The following RBFOX1 variants were observed in gnomAD, a reference collection of about 807,000 sequenced individuals.
RBFOX1 encodes RNA binding fox-1 homolog 1, also known as RNA binding protein fox-1 homolog 1.
In RBFOX1, 8 loss-of-function variants were observed where a neutral mutation model predicts 57.7. The observed-to-expected ratio is 0.14, with a 90% CI of 0.08 to 0.25. The LOEUF is 0.25. Ranked by LOEUF, RBFOX1 falls within the 10% of genes least tolerant of loss-of-function variation. RBFOX1 has a pLI of 1.00. For synonymous variants in RBFOX1, 326 were observed against 222.4 expected, an observed-to-expected ratio of 1.47 and a Z score of -4.15; for missense variants, 611 against 548.5, an observed-to-expected ratio of 1.11 and a Z score of -1.14.
chr16:7,258,530 A>C (rs1714901425), intron 4 of RBFOX1, among the ~76,000 whole-genome samples: 1 of 152,170 alleles, frequency 6.6e-6, no homozygotes, highest in South Asian at 2.1e-4. Flanking sequence ...ATATTGTTGT[A>C]CATGCACGTA....
chr16:5,639,850 G>T (rs896683258), intron 3 of RBFOX1, among the ~76,000 whole-genome samples: 11 of 152,202 alleles, frequency 7.2e-5, no homozygotes, highest in Non-Finnish European at 1.5e-4. Context: ...TCTTCATCTT[G>T]TGCCTTTGAA....
chr16:7,079,086 G>C (rs140714928), intron 4 of RBFOX1, among the ~76,000 whole-genome samples: 3 of 151,754 alleles, frequency 2.0e-5, no homozygotes, highest in African/African-American at 7.3e-5. Context: ...CTTTATTTAC[G>C]TGTATCTATC....
chr16:6,314,939 C>T (rs557832131), intron 1 of RBFOX1, among the ~76,000 whole-genome samples: 3 of 152,212 alleles, frequency 2.0e-5, no homozygotes, highest in African/African-American at 7.2e-5. Flanking sequence ...ATGTCAGCTC[C>T]GTTGCCACTT....
intron 3 of RBFOX1, among the ~76,000 whole-genome samples, chr16:5,719,676 T>A (rs557799717): frequency 6.6e-6 from 1 of 152,162 alleles, no homozygotes; most frequent in South Asian, 2.1e-4. Flanking sequence ...TGGCCTCTTG[T>A]GCCTGTGTTT....
intron 3 of RBFOX1, among the ~76,000 whole-genome samples, chr16:6,724,969 C>T (rs539819260): frequency 1.0e-4 from 15 of 150,278 alleles, no homozygotes; most frequent in African/African-American, 3.4e-4. Context: ...CATGCAAATG[C>T]ATTACAAATA....
chr16:5,843,710 C>T (rs866663681), intron 3 of RBFOX1, among the ~76,000 whole-genome samples: 2 of 152,112 alleles, frequency 1.3e-5, no homozygotes, highest in Admixed American at 6.5e-5. Flanking sequence ...AACAGAGGTC[C>T]GGAGAGGTAA....
At chr16:6,347,290 C>T (rs1011826501) in intron 2 of RBFOX1, among the ~76,000 whole-genome samples, 2 of 152,184 alleles carry the variant, frequency 1.3e-5, no homozygotes, top group Non-Finnish European at 2.9e-5. Flanking sequence ...TCATCCTCAA[C>T]CACCATCATC....
At chr16:6,627,164 C>T (rs950120011) in intron 2 of RBFOX1, among the ~76,000 whole-genome samples, 4 of 152,174 alleles carry the variant, frequency 2.6e-5, no homozygotes, top group African/African-American at 9.7e-5. Context: ...CCGCATTACT[C>T]CTACAACCAT....
chr16:6,511,159 G>A (rs994142796), intron 2 of RBFOX1, among the ~76,000 whole-genome samples: 1 of 152,110 alleles, frequency 6.6e-6, no homozygotes, highest in East Asian at 1.9e-4. Flanking sequence ...ACGCTGGGTT[G>A]GTGGAAAAGC....
At chr16:7,551,798 C>T (rs1224887123) in intron 5 of RBFOX1, among the ~76,000 whole-genome samples, 1 of 152,184 alleles carries the variant, frequency 6.6e-6, no homozygotes, top group East Asian at 1.9e-4. Flanking sequence ...AATATTTACA[C>T]CACAGACATT....
chr16:6,513,718 G>C (rs913974140), intron 2 of RBFOX1, among the ~76,000 whole-genome samples: 1 of 152,034 alleles, frequency 6.6e-6, no homozygotes, highest in East Asian at 1.9e-4. Context: ...TGGGGGACAA[G>C]AGTGAGACTT....
chr16:6,767,959 G>A (rs80316824), intron 3 of RBFOX1, among the ~76,000 whole-genome samples: 178 of 107,056 alleles, frequency 1.7e-3, no homozygotes, highest in African/African-American at 5.3e-3. Context: ...AGAAGAAGAA[G>A]AAGAAGAAGA....
intron 3 of RBFOX1, among the ~76,000 whole-genome samples, chr16:6,741,417 C>G (rs1230998951): frequency 6.6e-6 from 1 of 151,996 alleles, no homozygotes; most frequent in East Asian, 1.9e-4. Flanking sequence ...AATACCAGCA[C>G]TTTGGGAGGC....
intron 3 of RBFOX1, among the ~76,000 whole-genome samples, chr16:6,714,449 A>G (rs2064358250): frequency 6.6e-6 from 1 of 152,144 alleles, no homozygotes; most frequent in Non-Finnish European, 1.5e-5. Context: ...GTGAAGCTTT[A>G]TCCCACTACG....
At chr16:5,499,790 C>T (rs997231370) in intron 2 of RBFOX1, among the ~76,000 whole-genome samples, 7 of 152,072 alleles carry the variant, frequency 4.6e-5, no homozygotes, top group Non-Finnish European at 1.0e-4. Context: ...CCAGGCTGGT[C>T]TTGAACTCCT....
intron 4 of RBFOX1, among the ~76,000 whole-genome samples, chr16:7,445,739 T>G (rs2150038343): frequency 6.6e-6 from 1 of 152,350 alleles, no homozygotes; most frequent in East Asian, 1.9e-4. Flanking sequence ...GTTTTTGTTT[T>G]GTCTTTTCAC....
At chr16:5,256,798 G>A (rs573698337) in intron 1 of RBFOX1, among the ~76,000 whole-genome samples, 1 of 152,196 alleles carries the variant, frequency 6.6e-6, no homozygotes, top group East Asian at 1.9e-4. Flanking sequence ...GCCCGGTGTG[G>A]TGGCATCTGC....
intron 4 of RBFOX1, among the ~76,000 whole-genome samples, chr16:5,875,739 T>A (rs1042941842): frequency 3.3e-5 from 5 of 152,152 alleles, no homozygotes; most frequent in African/African-American, 1.2e-4. Flanking sequence ...GAAAATTGAT[T>A]AAGGGTCTCT....
chr16:6,219,005 G>A (rs2097354466), intron 1 of RBFOX1, among the ~76,000 whole-genome samples: 1 of 152,194 alleles, frequency 6.6e-6, no homozygotes, highest in Admixed American at 6.5e-5. Context: ...GCATATTAGA[G>A]GCTGTTAGGT....
Sources: allele counts gnomAD v4.1 joint callset (sites outside exome capture counted in the v4.1 genomes callset), GRCh38; gene constraint gnomAD v4.1.1; transcripts MANE v1.5; gene names NCBI Gene and HGNC (gene_info 2026-07-23, HGNC 2026-07-21).